The following LRP1B variants were observed in gnomAD, a reference collection of about 807,000 sequenced individuals.
The protein encoded by LRP1B is low-density lipoprotein receptor-related protein 1B.
Under a neutral mutation model 556.6 loss-of-function variants are expected in LRP1B, and 217 were observed. The observed-to-expected ratio is 0.39, with a 90% CI of 0.35 to 0.44. The LOEUF is 0.44. Among genes scored for constraint, LRP1B ranks in the 20% least tolerant of loss-of-function variants. LRP1B has a pLI of 1.00. For missense variants in LRP1B, 5,053 were observed against 5,620.8 expected (o/e 0.90, Z 3.23); for synonymous variants, 2,047 against 1,865.8 (o/e 1.10, Z -2.50).
intron 41 of LRP1B, among the ~76,000 whole-genome samples, chr2:140,682,390 T>C (rs1685888615): frequency 6.6e-6 from 1 of 152,192 alleles, no homozygotes; most frequent in Non-Finnish European, 1.5e-5. Flanking sequence ...GATTCCTTCC[T>C]TTGATGAATA....
chr2:141,619,836 G>T (rs1468597042), intron 2 of LRP1B, among the ~76,000 whole-genome samples: 2 of 152,152 alleles, frequency 1.3e-5, no homozygotes, highest in Non-Finnish European at 2.9e-5. Context: ...TGATAGAACT[G>T]TAAGTTGAGA....
chr2:141,787,797 C>T (rs1695473998), intron 2 of LRP1B, among the ~76,000 whole-genome samples: 2 of 151,602 alleles, frequency 1.3e-5, no homozygotes. Flanking sequence ...CTATACTTGG[C>T]TACATATACT....
intron 1 of LRP1B, among the ~76,000 whole-genome samples, chr2:141,969,219 G>A (rs967223584): frequency 6.6e-6 from 1 of 151,010 alleles, no homozygotes; most frequent in Non-Finnish European, 1.5e-5. Flanking sequence ...AATCAAATTA[G>A]TTAACATTTC....
rs140748765 is a variant in LRP1B at position 141,117,737 on chromosome 2, G to A, written c.1014-55464C>T. Among the ~76,000 whole-genome samples, 399 of 152,144 alleles carry A rather than the reference G, an allele frequency of 2.6e-3. 1 individual carries two copies. The highest frequency in any genetic ancestry group is 8.8e-3 in the African/African-American group (367 of 41,556). ...AGTGTGGTTCCAAGTAAGCAATGGA[G>A]TTAGCAGCATTTTTAACCAAATCCT... On this transcript the variant is annotated intron_variant, in intron 7 of 90. Transcript: ENST00000389484.
rs1558962601 is a variant in LRP1B, at chr2:141,254,645, T to C, written c.344-4A>G. On this transcript the variant is annotated splice_polypyrimidine_tract_variant and splice_region_variant and intron_variant, in intron 3 of 90. Coordinates refer to ENST00000389484, the MANE Select transcript of LRP1B (RefSeq NM_018557.3). The stretch of plus-strand genomic sequence containing the variant: ...TGTTGGCAATTGGATAACAGTTCTG[T>C]AGAGAAAAAACAAATATATTCTCTA... 2.5e-6 allele frequency: 4 copies of C among 1,603,064 alleles called. No individual in the cohort carries two copies. The highest frequency in any genetic ancestry group is 2.2e-5 in the East Asian group (1 of 44,532).
At chr2:141,082,706 G>C (rs150549357) in intron 7 of LRP1B, among the ~76,000 whole-genome samples, 1 of 152,178 alleles carries the variant, frequency 6.6e-6, no homozygotes, top group Non-Finnish European at 1.5e-5. Flanking sequence ...GTAGAATATA[G>C]GGTATTACTG....
intron 6 of LRP1B, among the ~76,000 whole-genome samples, chr2:141,223,703 G>C (rs1396785413): frequency 6.6e-6 from 1 of 152,102 alleles, no homozygotes; most frequent in Non-Finnish European, 1.5e-5. Context: ...CAGTGGAACA[G>C]AATAGAGAAC....
chr2:140,525,186 A>G (rs1218432421), intron 49 of LRP1B, among the ~76,000 whole-genome samples: 1 of 151,826 alleles, frequency 6.6e-6, no homozygotes, highest in Non-Finnish European at 1.5e-5. Flanking sequence ...ACAAAATTTA[A>G]TAGTGTCCTA....
intron 43 of LRP1B, among the ~76,000 whole-genome samples, chr2:140,566,782 A>G (rs1681142309): frequency 6.6e-6 from 1 of 152,156 alleles, no homozygotes; most frequent in African/African-American, 2.4e-5. Context: ...CTCCTGGGAA[A>G]ACATACTGTA....
Position 141,913,313 on chromosome 2 carries a change from G to A in LRP1B, c.83-102912C>T, listed in dbSNP as rs544543531. Among the ~76,000 whole-genome samples the A allele has an allele frequency of 7.2e-5, 11 of 152,274 alleles. No homozygotes were observed. In the South Asian group the frequency reaches 2.1e-3, roughly 29 times the overall value. On this transcript the variant is annotated intron_variant, in intron 1 of 90. Transcript: ENST00000389484. ...CTGGTTGAATTTTTGGAGAGACAGTGAGTTGCAGTCAAGCAGAAAAATTCA... is the reference window on the plus strand; with the variant it reads ...CTGGTTGAATTTTTGGAGAGACAGTAAGTTGCAGTCAAGCAGAAAAATTCA...
At chr2:141,386,444 C>T (rs900170952) in intron 3 of LRP1B, among the ~76,000 whole-genome samples, 5 of 151,982 alleles carry the variant, frequency 3.3e-5, no homozygotes, top group African/African-American at 1.2e-4. Context: ...TTTAAAAAAG[C>T]ATGATCCAAC....
chr2:140,377,958 T>A lies in LRP1B; in HGVS notation c.10638+222A>T, dbSNP rs113758177. 1.6e-3 allele frequency among the ~76,000 whole-genome samples: 247 copies of A among 152,262 alleles called. 1 individual carries two copies. Among genetic ancestry groups the A allele is most frequent in the African/African-American group, 5.2e-3 (217 of 41,558 alleles). On this transcript the variant is annotated intron_variant, in intron 68 of 90. Transcript: ENST00000389484. Reference sequence around the variant, plus strand: ...TTCCTACAACGCAGCTATTCACCAGTTGAGGTAAAACAGACTATAAAATTA... The same window carrying A: ...TTCCTACAACGCAGCTATTCACCAGATGAGGTAAAACAGACTATAAAATTA...
intron 1 of LRP1B, among the ~76,000 whole-genome samples, chr2:142,093,581 A>C (rs1706252098): frequency 6.6e-6 from 1 of 152,004 alleles, no homozygotes; most frequent in Non-Finnish European, 1.5e-5. Flanking sequence ...GTACTAGAAA[A>C]CCAGAAAGGC....
intron 6 of LRP1B, among the ~76,000 whole-genome samples, chr2:141,213,119 T>TG (rs1461351293): frequency 1.8e-5 from 2 of 114,008 alleles, no homozygotes; most frequent in East Asian, 4.5e-4. Flanking sequence ...GCTAATTAAT[T>TG]TTTTTTTTTT....
intron 2 of LRP1B, among the ~76,000 whole-genome samples, chr2:141,769,984 T>G (rs540041601): frequency 6.6e-6 from 1 of 152,256 alleles, no homozygotes; most frequent in East Asian, 1.9e-4. Context: ...CCAATTCCTC[T>G]CTGTTGAAGA....
chr2:141,154,067 T>C (rs536038263), intron 7 of LRP1B, among the ~76,000 whole-genome samples: 2 of 151,970 alleles, frequency 1.3e-5, no homozygotes, highest in East Asian at 3.9e-4. Flanking sequence ...ATGTTAGATA[T>C]GAGATGCCCT....
chr2:140,579,320 T>G (rs1257902500), intron 43 of LRP1B, among the ~76,000 whole-genome samples: 1 of 152,092 alleles, frequency 6.6e-6, no homozygotes, highest in Admixed American at 6.6e-5. Flanking sequence ...AGTAGCTTTT[T>G]TTTTAGCTAA....
intron 66 of LRP1B, among the ~76,000 whole-genome samples, chr2:140,414,691 T>C (rs571672990): frequency 2.6e-5 from 4 of 152,334 alleles, no homozygotes; most frequent in Non-Finnish European, 4.4e-5. Flanking sequence ...TCCTGTTATC[T>C]TTGTAAGGTG....
intron 23 of LRP1B, among the ~76,000 whole-genome samples, chr2:140,887,391 G>C (rs1369098095): frequency 6.6e-6 from 1 of 152,094 alleles, no homozygotes; most frequent in African/African-American, 2.4e-5. Context: ...GTATGAGATA[G>C]GTTCAGATAT....
Sources: gnomAD v4.1 joint callset for allele counts (sites outside exome capture counted in the v4.1 genomes callset) on GRCh38, gnomAD v4.1.1 for gene constraint, MANE v1.5 for transcripts, NCBI Gene and HGNC (gene_info 2026-07-23, HGNC 2026-07-21) for gene names.